BAZ2B: variants seen among roughly 807,000 people sequenced by gnomAD.
BAZ2B encodes the protein bromodomain adjacent to zinc finger domain protein 2B.
Under a neutral mutation model 246.0 loss-of-function variants are expected in BAZ2B, and 91 were observed. That is an observed-to-expected ratio of 0.37 (90% CI 0.31 to 0.44). BAZ2B has a LOEUF of 0.44. Among genes scored for constraint, BAZ2B ranks in the 20% least tolerant of loss-of-function variants. The probability of loss-of-function intolerance (pLI) is 1.00; values close to 1 mark genes in which losing one functional copy is unlikely to be tolerated. For missense variants in BAZ2B, 2,332 were observed against 2,533.7 expected (o/e 0.92, Z 1.71); for synonymous variants, 855 against 860.0 (o/e 0.99, Z 0.10).
the BAZ2B span, among the ~76,000 whole-genome samples, chr2:159,704,470 ATCTT>A: frequency 2.1e-5 from 2 of 93,792 alleles, no homozygotes; most frequent in African/African-American, 4.4e-5. Flanking sequence ...CTCCCTCTCT[ATCTT>A]TCTTTTTCTT....
chr2:159,563,545 T>C (rs780131618), intron 1 of BAZ2B, among the ~76,000 whole-genome samples: 5 of 152,186 alleles, frequency 3.3e-5, no homozygotes, highest in East Asian at 1.9e-4. Flanking sequence ...AAAGACATTA[T>C]ATGTTAAGTA....
chr2:159,406,306 T>C (rs1270597188), intron 14 of BAZ2B, among the ~76,000 whole-genome samples: 3 of 152,156 alleles, frequency 2.0e-5, no homozygotes, highest in African/African-American at 4.8e-5. Context: ...TATTGGGAGA[T>C]TGGGACACAG....
At chr2:159,550,667 C>A (rs1288463150) in intron 2 of BAZ2B, among the ~76,000 whole-genome samples, 1 of 151,872 alleles carries the variant, frequency 6.6e-6, no homozygotes, top group Non-Finnish European at 1.5e-5. Flanking sequence ...GTGGTAGGTA[C>A]CTGACATTTT....
chr2:159,418,590 C>G (rs1223533221), intron 13 of BAZ2B, among the ~76,000 whole-genome samples: 1 of 151,620 alleles, frequency 6.6e-6, no homozygotes, highest in Non-Finnish European at 1.5e-5. Flanking sequence ...TTTTTAAATA[C>G]TTGTAAGCTG....
intron 1 of BAZ2B, among the ~76,000 whole-genome samples, chr2:159,606,078 C>G (rs1693428462): frequency 6.6e-6 from 1 of 152,192 alleles, no homozygotes; most frequent in African/African-American, 2.4e-5. Flanking sequence ...CAACAAGCTG[C>G]AGAAAATATT....
intron 36 of BAZ2B, chr2:159,322,011 A>T (rs144019508): frequency 1.3e-4 from 20 of 152,322 alleles, no homozygotes; most frequent in African/African-American, 4.6e-4. Flanking sequence ...CCATAAATAT[A>T]TACACCTACT....
intron 6 of BAZ2B, among the ~76,000 whole-genome samples, chr2:159,446,493 C>T (rs2074268940): frequency 6.6e-6 from 1 of 152,172 alleles, no homozygotes; most frequent in Non-Finnish European, 1.5e-5. Context: ...TGCTTTGCTT[C>T]TCCATTTGTA....
chr2:159,389,585 T>A, intron 20 of BAZ2B, 100 bp from the exon 21 acceptor site: 1 of 1,060,874 alleles, frequency 9.4e-7, no homozygotes, highest in Non-Finnish European at 1.3e-6. Context: ...TGCTTTTCAT[T>A]AATCTTACTC....
intron 31 of BAZ2B, among the ~76,000 whole-genome samples, chr2:159,347,213 A>G (rs1179044387): frequency 6.6e-6 from 1 of 152,184 alleles, no homozygotes; most frequent in East Asian, 1.9e-4. Flanking sequence ...AATACCATTA[A>G]GGAGGTAGCA....
chr2:159,653,131 G>A, the BAZ2B span, among the ~76,000 whole-genome samples: 103 of 152,048 alleles, frequency 6.8e-4, 1 homozygote, highest in African/African-American at 2.4e-3. Context: ...GGTAGAGACA[G>A]GGTTTCACCA....
rs375118067 is a variant in BAZ2B, at chr2:159,453,599, T to A, written c.334+14A>T. On this transcript the variant is annotated intron_variant, in intron 4 of 36. Coordinates refer to ENST00000392783, the MANE Select transcript of BAZ2B (RefSeq NM_013450.4). ...TCCTCCTTCCCTTGAACACTGTTTG[T>A]AACAGATGTTTACCTGGAAAAGATG... The A allele has an allele frequency of 3.2e-6, 5 of 1,586,258 alleles. No individual in the cohort carries two copies. The Admixed American group carries it at 8.8e-5, about 28-fold the overall frequency.
intron 11 of BAZ2B, 26 bp from the exon 12 acceptor site, chr2:159,428,445 T>C (rs2070405440): frequency 1.3e-6 from 2 of 1,532,038 alleles, no homozygotes; most frequent in Non-Finnish European, 1.8e-6. Context: ...ATGAAGGTTA[T>C]GACATACTTA....
intron 20 of BAZ2B, chr2:159,395,375 AATGC>A (rs2063873426): frequency 1.3e-5 from 2 of 153,798 alleles, no homozygotes; most frequent in South Asian, 4.1e-4. Context: ...TTACATAGAG[AATGC>A]TAAAGAATAA....
At chr2:159,456,358 A>T (rs1232175790) in intron 3 of BAZ2B, among the ~76,000 whole-genome samples, 2 of 152,114 alleles carry the variant, frequency 1.3e-5, no homozygotes, top group Non-Finnish European at 2.9e-5. Flanking sequence ...TAGTTACAGC[A>T]TTAATTTCAT....
At position 159,567,080 on chromosome 2, in the gene BAZ2B, T is replaced by A. The variant is rs73008692; in HGVS notation, c.-45-11215A>T. On this transcript the variant is annotated intron_variant, in intron 1 of 36. Transcript: ENST00000392783. ...CAACATGATGAGACCTTGTTTCTAC[T>A]AAAAATACAAAAATTAGCCAGGCAT... is the stretch of plus-strand genomic sequence containing the variant. 4.8e-3 allele frequency among the ~76,000 whole-genome samples: 726 copies of A among 152,084 alleles called. 6 individuals carry two copies. The highest frequency in any genetic ancestry group is 0.016 in the African/African-American group (681 of 41,480).
At chr2:159,675,699 T>C in the BAZ2B span, among the ~76,000 whole-genome samples, 1 of 152,218 alleles carries the variant, frequency 6.6e-6, no homozygotes, top group African/African-American at 2.4e-5. Flanking sequence ...CTTTAAAGAA[T>C]ATAACGAAAT....
intron 1 of BAZ2B, among the ~76,000 whole-genome samples, chr2:159,566,571 CAGG>C (rs1217606301): frequency 1.3e-5 from 2 of 152,220 alleles, no homozygotes; most frequent in Non-Finnish European, 2.9e-5. Flanking sequence ...CACCTTACAA[CAGG>C]AGGCCATTCA....
chr2:159,643,603 G>A, the BAZ2B span, among the ~76,000 whole-genome samples: 14 of 152,122 alleles, frequency 9.2e-5, no homozygotes, highest in East Asian at 2.1e-3. Flanking sequence ...TGGCTGGTGC[G>A]GTGGCTCATG....
the BAZ2B span, chr2:159,712,406 C>T: frequency 3.9e-5 from 6 of 152,900 alleles, no homozygotes; most frequent in African/African-American, 1.4e-4. Context: ...AGCCCGCCCG[C>T]AGCTCTCGGT....
Sources: gnomAD v4.1 joint callset for allele counts (sites outside exome capture counted in the v4.1 genomes callset) on GRCh38, gnomAD v4.1.1 for gene constraint, MANE v1.5 for transcripts, NCBI Gene and HGNC (gene_info 2026-07-23, HGNC 2026-07-21) for gene names.